ARPC5: variants seen among roughly 807,000 people sequenced by gnomAD.
The protein encoded by ARPC5 is actin-related protein 2/3 complex subunit 5.
In ARPC5, 5 loss-of-function variants were observed where a neutral mutation model predicts 15.4. That is an observed-to-expected ratio of 0.32 (90% CI 0.17 to 0.68). ARPC5 has a LOEUF of 0.68. Ranked by LOEUF, ARPC5 falls within the 30% of genes least tolerant of loss-of-function variation. The pLI is 0.71. For synonymous variants in ARPC5, 85 were observed against 72.2 expected (o/e 1.18, Z -0.90); for missense variants, 138 against 192.8 (o/e 0.72, Z 1.68).
Position 183,626,442 on chromosome 1 carries a change from AT to A in ARPC5, c.*1089del, listed in dbSNP as rs1649099015. 1 of 152,512 alleles carries A rather than the reference AT, an allele frequency of 6.6e-6. No homozygotes were observed. Among genetic ancestry groups the A allele is most frequent in the Admixed American group, 6.5e-5 (1 of 15,284 alleles). 9.4% of individuals were successfully genotyped at this position (152,512 alleles called of 1,614,324 possible). ...TTATAACTTTTTATAAGCACCGGTC[AT>A]TTTTTGAGAACTGATTTGGTTTGTC... On this transcript the variant is annotated 3_prime_UTR_variant, in exon 4 of 4. Transcript: ENST00000359856.
At chr1:183,628,205 T>C (rs1649168948) in intron 3 of ARPC5, among the ~76,000 whole-genome samples, 1 of 119,160 alleles carries the variant, frequency 8.4e-6, no homozygotes, top group African/African-American at 2.8e-5. Context: ...AAAAAAAATC[T>C]GCAGCATAGT....
At position 183,621,755 on chromosome 1, in the gene ARPC5, T is replaced by C. The variant is rs1648943959; in HGVS notation, c.*5777A>G. The C allele has an allele frequency of 6.6e-6, 1 of 152,208 alleles. No individual in the cohort carries two copies. Among genetic ancestry groups the C allele is most frequent in the Non-Finnish European group, 1.5e-5 (1 of 68,040 alleles). The allele number at this position is 152,208 out of a possible 1,614,324, so 9.4% of individuals were successfully genotyped here. ...CATTTGTAAACTGTCATGGTGCCGG[T>C]GGGAGCGTAGCGGTGAGGATGGCCA... On this transcript the variant is annotated 3_prime_UTR_variant, in exon 4 of 4. Transcript: ENST00000359856.
chr1:183,634,582 G>A (rs1447169421), intron 1 of ARPC5, among the ~76,000 whole-genome samples: 1 of 152,136 alleles, frequency 6.6e-6, no homozygotes, highest in East Asian at 1.9e-4. Flanking sequence ...ATGCAAATGC[G>A]AAGCCAAAGT....
intron 3 of ARPC5, among the ~76,000 whole-genome samples, chr1:183,629,413 T>C (rs529164958): frequency 6.6e-6 from 1 of 152,342 alleles, no homozygotes; most frequent in African/African-American, 2.4e-5. Context: ...AAGTGTTCCA[T>C]GAATAGGGTG....
chr1:183,625,124 T>C lies in ARPC5; in HGVS notation c.*2408A>G, dbSNP rs1002297658. The C allele has an allele frequency of 1.3e-5, 2 of 152,136 alleles. No homozygotes were observed. The highest frequency in any genetic ancestry group is 4.8e-5 in the African/African-American group (2 of 41,412). The allele number at this position is 152,136 out of a possible 1,614,324, so 9.4% of individuals were successfully genotyped here. On this transcript the variant is annotated 3_prime_UTR_variant, in exon 4 of 4. Transcript: ENST00000359856. Reference sequence around the variant, plus strand: ...AAGCACTGAGATTAAAGGAGGAGAATGGGAGGTAAACAACTACTTTTGTGC... The same window carrying C: ...AAGCACTGAGATTAAAGGAGGAGAACGGGAGGTAAACAACTACTTTTGTGC...
At chr1:183,630,301 A>G (rs1020464001) in intron 3 of ARPC5, 160 bp downstream of exon 3, 1 of 516,072 alleles carries the variant, frequency 1.9e-6, no homozygotes, top group Non-Finnish European at 3.2e-6. Flanking sequence ...CTTAAGACCA[A>G]GGCTAGTAAA....
At chr1:183,630,749 T>G in intron 2 of ARPC5, 112 bp from the exon 3 acceptor site, 1 of 1,004,360 alleles carries the variant, frequency 1.0e-6, no homozygotes, top group Non-Finnish European at 1.4e-6. Context: ...CTGAAGGACG[T>G]GAAAGAAGGC....
chr1:183,632,462 A>G (rs1649294281), intron 2 of ARPC5: 1 of 152,250 alleles, frequency 6.6e-6, no homozygotes, highest in African/African-American at 2.4e-5. Flanking sequence ...AATATATAAC[A>G]AAAGATTAGT....
intron 3 of ARPC5, among the ~76,000 whole-genome samples, chr1:183,629,177 A>G (rs1372077820): frequency 6.6e-6 from 1 of 152,244 alleles, no homozygotes; most frequent in African/African-American, 2.4e-5. Flanking sequence ...CTCCATTTTT[A>G]TGAGGATTAA....
intron 3 of ARPC5, among the ~76,000 whole-genome samples, chr1:183,629,539 A>G (rs1649205639): frequency 1.3e-5 from 2 of 152,168 alleles, no homozygotes; most frequent in African/African-American, 4.8e-5. Context: ...CAAACACTCA[A>G]TATTTTTATG....
At chr1:183,629,536 T>C (rs1327840009) in intron 3 of ARPC5, among the ~76,000 whole-genome samples, 1 of 152,200 alleles carries the variant, frequency 6.6e-6, no homozygotes, top group Non-Finnish European at 1.5e-5. Context: ...CTTCAAACAC[T>C]CAATATTTTT....
In ARPC5 at chr1:183,623,436, G is replaced by A. The variant is rs1017418200; in HGVS notation, c.*4096C>T. ...CATGCTGTACCTCTGTGGGCTTCCC[G>A]GGCCTCCTCCATATCTGGAATCATA... On this transcript the variant is annotated 3_prime_UTR_variant, in exon 4 of 4. Transcript: ENST00000359856. 2.6e-5 allele frequency: 40 copies of A among 1,550,246 alleles called. No individual in the cohort carries two copies. Among genetic ancestry groups the A allele is most frequent in the African/African-American group, 5.5e-5 (4 of 72,966 alleles).
chr1:183,634,930 T>TTA (rs1553264168), intron 1 of ARPC5, among the ~76,000 whole-genome samples: 1 of 136,610 alleles, frequency 7.3e-6, no homozygotes, highest in African/African-American at 2.6e-5. Context: ...TTTTTTTTTT[T>TTA]AAAAAGGCCA....
chr1:183,631,086 G>A (rs943753949), intron 2 of ARPC5: 2 of 154,516 alleles, frequency 1.3e-5, no homozygotes, highest in Non-Finnish European at 2.9e-5. Flanking sequence ...GGTAGAAGCA[G>A]GGAGAGCAAT....
At chr1:183,634,907 TCTTCTTC>T (rs796473593) in intron 1 of ARPC5, among the ~76,000 whole-genome samples, 50 of 125,988 alleles carry the variant, frequency 4.0e-4, no homozygotes, top group African/African-American at 1.5e-3. Context: ...ATCCCCTTCT[TCTTCTTC>T]TTTTTTTTTT....
chr1:183,620,943 T>A lies in ARPC5; in HGVS notation c.*6589A>T, dbSNP rs551133131. 2.0e-5 allele frequency: 3 copies of A among 151,962 alleles called. No individual in the cohort carries two copies. In the South Asian group the frequency reaches 6.2e-4, roughly 31 times the overall value. 9.4% of individuals were successfully genotyped at this position (151,962 alleles called of 1,614,324 possible). On this transcript the variant is annotated 3_prime_UTR_variant, in exon 4 of 4. Coordinates refer to ENST00000359856, the MANE Select transcript of ARPC5 (RefSeq NM_005717.4). ...TGACATTCCTGTTGAAAAGAGCTCC[T>A]ACAAATCAGTAAGAAAAAGACCATC...
intron 2 of ARPC5, 38 bp downstream of exon 2, chr1:183,633,044 T>C (rs1558122762): frequency 1.4e-6 from 2 of 1,444,854 alleles, no homozygotes; most frequent in Non-Finnish European, 1.9e-6. Context: ...AAGAATAAGA[T>C]ATCAGCAGAG....
chr1:183,630,592 C>G lies in ARPC5; in HGVS notation c.262G>C (p.Ala88Pro). 1 of 1,614,068 alleles carries G rather than the reference C, an allele frequency of 6.2e-7. No homozygotes were observed. The highest frequency in any genetic ancestry group is 1.3e-5 in the African/African-American group (1 of 75,042). ...IVLKVLISFK[A>P]NDIEKAVQSL... ...TGAACTGCCTTTTCTATATCATTAG[C>G]TTTAAAAGAGATGAGCACCTTCAAG... is the stretch of plus-strand genomic sequence containing the variant. Residue 88 changes from alanine (A) to proline (P), a missense_variant, in exon 3 of 4, where the codon GCT (alanine) becomes CCT (proline). Around this residue, in one of 3 missense-constraint regions of ARPC5, gnomAD observed 121 missense variants for 153.7 expected, o/e 0.79. Coordinates refer to ENST00000359856, the MANE Select transcript of ARPC5 (RefSeq NM_005717.4).
In ARPC5 at chr1:183,635,643, A is replaced by T; in HGVS notation, c.17T>A (p.Val6Glu). The T allele has an allele frequency of 6.2e-7, 1 of 1,612,850 alleles. No individual in the cohort carries two copies. The highest frequency in any genetic ancestry group is 8.5e-7 in the Non-Finnish European group (1 of 1,179,526). The change falls in exon 1 of 4, where the codon GTG becomes GAG. Residue 6 changes from valine (V) to glutamate (E), a missense_variant. Val to Glu is a moderately radical substitution (Grantham distance 121, BLOSUM62 -2). Around this residue, in one of 3 missense-constraint regions of ARPC5, gnomAD observed 14 missense variants for 16.2 expected, o/e 0.87. Transcript: ENST00000359856. The stretch of plus-strand genomic sequence containing the variant: ...CACCTTCCGGAAGCGGGCCGACGAC[A>T]CTGTGTTCTTCGACATCCCAATCCC... MSKNTVSSARFRKVDV... is the reference protein window; with the variant it reads MSKNTESSARFRKVDV...
Sources: gnomAD v4.1 joint callset for allele counts (sites outside exome capture counted in the v4.1 genomes callset) on GRCh38, gnomAD v4.1.1 for gene constraint, gnomAD v4.1.1 regional missense constraint, MANE v1.5 for transcripts, NCBI Gene and HGNC (gene_info 2026-07-23, HGNC 2026-07-21) for gene names.